Variants in ARHGAP25 observed in about 807,000 individuals in gnomAD.
ARHGAP25 encodes rho GTPase-activating protein 25.
A neutral mutation model predicts 71.0 loss-of-function variants in ARHGAP25; 34 were observed. The observed-to-expected ratio is 0.48, with a 90% CI of 0.36 to 0.64. The LOEUF (loss-of-function observed/expected upper bound fraction) is 0.64. ARHGAP25 is among the 30% of genes least tolerant of loss of function. The pLI is 0.00. For synonymous variants in ARHGAP25, 282 were observed against 296.5 expected, an observed-to-expected ratio of 0.95 and a Z score of 0.50; for missense variants, 706 against 805.1, an observed-to-expected ratio of 0.88 and a Z score of 1.49.
intron 7 of ARHGAP25, 129 bp from the exon 8 acceptor site, chr2:68,817,744 C>A: frequency 8.7e-7 from 1 of 1,151,904 alleles, no homozygotes; most frequent in South Asian, 1.5e-5. Flanking sequence ...GTGGGCAGAG[C>A]AGGCTGGTCT....
chr2:68,826,454 C>T lies in ARHGAP25; in HGVS notation c.*260C>T, dbSNP rs141658808. ...TCCATTCTGGTCTCAGGCATGACCA[C>T]GTCCAGTGAAGACATTTGAGGCAGC... On this transcript the variant is annotated 3_prime_UTR_variant, in exon 11 of 11. Coordinates refer to ENST00000409202, the MANE Select transcript of ARHGAP25 (RefSeq NM_001007231.3). 19 of 555,894 alleles carry T rather than the reference C, an allele frequency of 3.4e-5. No individual in the cohort carries two copies. Among genetic ancestry groups the T allele is most frequent in the East Asian group, 7.0e-5 (2 of 28,590 alleles). The allele number at this position is 555,894 out of a possible 1,614,324, so 34.4% of individuals were successfully genotyped here.
intron 9 of ARHGAP25, chr2:68,819,841 T>A (rs919725483): frequency 4.4e-6 from 1 of 227,812 alleles, no homozygotes; most frequent in African/African-American, 2.3e-5. Context: ...ACGTTCCCAA[T>A]GTCCAAAAGC....
intron 1 of ARHGAP25, among the ~76,000 whole-genome samples, chr2:68,747,443 G>T (rs114225582): frequency 0.011 from 1,655 of 152,274 alleles, 8 homozygotes; most frequent in Non-Finnish European, 0.017. Flanking sequence ...ATCTAAGCAT[G>T]GAGTGCTGTA....
chr2:68,727,115 C>G (rs1674902484), intron 2 of ARHGAP25, among the ~76,000 whole-genome samples: 1 of 152,194 alleles, frequency 6.6e-6, no homozygotes, highest in Non-Finnish European at 1.5e-5. Flanking sequence ...CCACAAGATA[C>G]AGCCATCCGG....
intron 5 of ARHGAP25, among the ~76,000 whole-genome samples, chr2:68,810,087 C>A (rs1450083592): frequency 6.7e-6 from 1 of 150,306 alleles, no homozygotes; most frequent in Non-Finnish European, 1.5e-5. Flanking sequence ...GCCGTTGAAC[C>A]CAGAAGCCAC....
At position 68,786,943 on chromosome 2, in the gene ARHGAP25, T is replaced by C. The variant is rs906314965; in HGVS notation, c.350-897T>C. 9.2e-5 allele frequency among the ~76,000 whole-genome samples: 14 copies of C among 152,208 alleles called. No individual in the cohort carries two copies. In the South Asian group the frequency reaches 1.5e-3, roughly 16 times the overall value. On this transcript the variant is annotated intron_variant, in intron 3 of 10. Transcript: ENST00000409202. ...CTTGTCCCCGCTAAGACCTTTTTAT[T>C]TTAACCAACTAAAGAAAATACCAAC... is the stretch of plus-strand genomic sequence containing the variant.
At chr2:68,772,148 A>G (rs1489477347) in intron 1 of ARHGAP25, among the ~76,000 whole-genome samples, 1 of 152,262 alleles carries the variant, frequency 6.6e-6, no homozygotes, top group African/African-American at 2.4e-5. Flanking sequence ...TTCTATGCTG[A>G]GTGAATTCTT....
At chr2:68,753,058 A>G (rs1676269882) in intron 1 of ARHGAP25, among the ~76,000 whole-genome samples, 1 of 148,130 alleles carries the variant, frequency 6.8e-6, no homozygotes, top group African/African-American at 2.5e-5. Flanking sequence ...AGACATAGCA[A>G]AATGTCCACT....
At chr2:68,786,387 G>A (rs777873255) in intron 3 of ARHGAP25, among the ~76,000 whole-genome samples, 5 of 152,272 alleles carry the variant, frequency 3.3e-5, no homozygotes, top group South Asian at 2.1e-4. Flanking sequence ...GAAGGACACC[G>A]ACAGACTTGC....
intron 2 of ARHGAP25, among the ~76,000 whole-genome samples, chr2:68,718,785 A>G (rs560146551): frequency 1.3e-5 from 2 of 152,302 alleles, no homozygotes; most frequent in African/African-American, 4.8e-5. Context: ...TTTCTGGGTG[A>G]TAAGAGTGTC....
At chr2:68,820,524 C>T (rs1681569106) in intron 9 of ARHGAP25, among the ~76,000 whole-genome samples, 1 of 152,136 alleles carries the variant, frequency 6.6e-6, no homozygotes, top group South Asian at 2.1e-4. Flanking sequence ...AAAGGGAGGG[C>T]TCGAACCTGA....
chr2:68,761,817 C>T (rs1255287730), intron 1 of ARHGAP25, among the ~76,000 whole-genome samples: 1 of 152,098 alleles, frequency 6.6e-6, no homozygotes, highest in East Asian at 1.9e-4. Flanking sequence ...CTATGGAAAA[C>T]AGTATAGCAG....
chr2:68,820,466 T>G (rs549624270), intron 9 of ARHGAP25, among the ~76,000 whole-genome samples: 91 of 152,144 alleles, frequency 6.0e-4, no homozygotes, highest in Non-Finnish European at 9.0e-4. Flanking sequence ...CCCAGGTACC[T>G]CTAACTCCGG....
intron 1 of ARHGAP25, chr2:68,774,818 G>A (rs1010891904): frequency 8.9e-7 from 1 of 1,119,964 alleles, no homozygotes; most frequent in Non-Finnish European, 1.1e-6. Context: ...TTCAGAGTGA[G>A]GCATTATTTT....
At chr2:68,784,378 G>T (rs1486400640) in intron 3 of ARHGAP25, among the ~76,000 whole-genome samples, 1 of 152,138 alleles carries the variant, frequency 6.6e-6, no homozygotes, top group African/African-American at 2.4e-5. Context: ...TTTGCAAGAT[G>T]ATTCTCCGGA....
chr2:68,769,928 T>G (rs1016436380), intron 1 of ARHGAP25, among the ~76,000 whole-genome samples: 2 of 152,190 alleles, frequency 1.3e-5, no homozygotes, highest in African/African-American at 4.8e-5. Context: ...CCATGGCAGT[T>G]TAGACTTCAT....
chr2:68,769,061 C>T (rs116146798), intron 1 of ARHGAP25, among the ~76,000 whole-genome samples: 16 of 152,280 alleles, frequency 1.1e-4, no homozygotes, highest in African/African-American at 3.6e-4. Flanking sequence ...TCCTGCTCCT[C>T]CTTGTTCAGC....
intron 1 of ARHGAP25, among the ~76,000 whole-genome samples, chr2:68,746,369 C>T (rs1234912392): frequency 6.6e-6 from 1 of 152,156 alleles, no homozygotes; most frequent in Non-Finnish European, 1.5e-5. Flanking sequence ...TTAGAGGGTC[C>T]TGCTCTTTTC....
In ARHGAP25 at chr2:68,807,395, G is replaced by A. The variant is rs1226562084; in HGVS notation, c.589G>A (p.Gly197Ser). Reference protein sequence around the residue: ...FILEHGRNEEGIFRLPGQDNL... With the variant: ...FILEHGRNEESIFRLPGQDNL... ...CCTGGAGCACGGCCGGAATGAAGAG[G>A]GCATCTTCCGTCTGCCTGGGCAGGA... The change falls in exon 5 of 11, where the codon GGC becomes AGC. Residue 197 changes from glycine to serine, a missense_variant. Physicochemically the swap from Gly to Ser is moderately conservative, Grantham distance 56. Transcript: ENST00000409202. 1.2e-6 allele frequency: 2 copies of A among 1,614,220 alleles called. No homozygotes were observed. The highest frequency in any genetic ancestry group is 3.3e-5 in the Admixed American group (2 of 60,024).
Sources: allele counts gnomAD v4.1 joint callset (sites outside exome capture counted in the v4.1 genomes callset), GRCh38; gene constraint gnomAD v4.1.1; transcripts MANE v1.5; gene names NCBI Gene and HGNC (gene_info 2026-07-23, HGNC 2026-07-21).